GALNT14: variants seen among roughly 807,000 people sequenced by gnomAD.
GALNT14 encodes UDP-GalNAc:polypeptide N-acetylgalactosaminyltransferase 14.
A neutral mutation model predicts 77.5 loss-of-function variants in GALNT14; 60 were observed. The ratio of observed to expected loss-of-function variants is 0.77; its 90% CI spans 0.63 to 0.96. The LOEUF (loss-of-function observed/expected upper bound fraction) is 0.96. Among genes scored for constraint, GALNT14 ranks in the 40% least tolerant of loss-of-function variants. GALNT14 has a pLI of 0.00. For missense variants in GALNT14, 710 were observed against 731.0 expected, an observed-to-expected ratio of 0.97 and a Z score of 0.33; for synonymous variants, 280 against 281.7, an observed-to-expected ratio of 0.99 and a Z score of 0.06.
chr2:30,930,877 C>G (rs990751103), intron 10 of GALNT14, among the ~76,000 whole-genome samples: 3 of 152,230 alleles, frequency 2.0e-5, no homozygotes, highest in African/African-American at 4.8e-5. Flanking sequence ...CTTCTAGAAA[C>G]GGAATGACCT....
chr2:31,073,509 A>G (rs936939838), intron 1 of GALNT14, among the ~76,000 whole-genome samples: 1 of 152,104 alleles, frequency 6.6e-6, no homozygotes, highest in Non-Finnish European at 1.5e-5. Flanking sequence ...GCATTTGGGG[A>G]ACGATGCAAG....
At chr2:31,078,348 G>T (rs1488905225) in intron 1 of GALNT14, among the ~76,000 whole-genome samples, 2 of 152,208 alleles carry the variant, frequency 1.3e-5, no homozygotes, top group African/African-American at 4.8e-5. Context: ...AACATTAGAC[G>T]ATCATAAGTT....
At chr2:31,120,808 C>A (rs1234546963) in intron 1 of GALNT14, among the ~76,000 whole-genome samples, 1 of 152,162 alleles carries the variant, frequency 6.6e-6, no homozygotes, top group Admixed American at 6.5e-5. Flanking sequence ...CCACTGGCCT[C>A]GGCCCCCAAA....
At chr2:30,956,553 T>C (rs1359554326) in intron 4 of GALNT14, among the ~76,000 whole-genome samples, 1 of 152,180 alleles carries the variant, frequency 6.6e-6, no homozygotes, top group Admixed American at 6.5e-5. Context: ...GTCGCCCAGG[T>C]TGGAGTTCAG....
At chr2:30,887,876 T>C in the GALNT14 span, among the ~76,000 whole-genome samples, 1 of 152,188 alleles carries the variant, frequency 6.6e-6, no homozygotes, top group Non-Finnish European at 1.5e-5. Flanking sequence ...TTGAGCTAAT[T>C]TGTGTTTATA....
chr2:30,955,004 G>T (rs1667268536), intron 6 of GALNT14, among the ~76,000 whole-genome samples: 1 of 152,208 alleles, frequency 6.6e-6, no homozygotes, highest in African/African-American at 2.4e-5. Flanking sequence ...TAGGGAAGTG[G>T]ATAGACTTCA....
intron 1 of GALNT14, among the ~76,000 whole-genome samples, chr2:31,069,076 G>A (rs765573071): frequency 6.6e-6 from 1 of 152,192 alleles, no homozygotes; most frequent in Non-Finnish European, 1.5e-5. Flanking sequence ...ATTAGATTAT[G>A]TGCTTGTTGT....
At chr2:31,031,666 T>C (rs1672422077) in intron 1 of GALNT14, among the ~76,000 whole-genome samples, 1 of 151,996 alleles carries the variant, frequency 6.6e-6, no homozygotes, top group Non-Finnish European at 1.5e-5. Flanking sequence ...CTGATCTATC[T>C]AAACAAGATC....
chr2:31,039,686 T>C (rs1350762567), intron 1 of GALNT14, among the ~76,000 whole-genome samples: 2 of 54,038 alleles, frequency 3.7e-5, no homozygotes, highest in African/African-American at 1.3e-4. Context: ...GAAGATCTCT[T>C]TTTTTTTCTT....
chr2:31,094,355 T>G (rs1007212519), intron 1 of GALNT14, among the ~76,000 whole-genome samples: 3 of 152,220 alleles, frequency 2.0e-5, no homozygotes, highest in African/African-American at 7.2e-5. Context: ...CTTTGCTGAC[T>G]CTCTTTTTGG....
At chr2:31,128,649 T>C (rs1678817600) in intron 1 of GALNT14, among the ~76,000 whole-genome samples, 1 of 151,614 alleles carries the variant, frequency 6.6e-6, no homozygotes, top group South Asian at 2.1e-4. Context: ...AGGAGGGAGG[T>C]AGTAGCAGGG....
At chr2:31,118,258 A>C in intron 1 of GALNT14, among the ~76,000 whole-genome samples, 1 of 152,244 alleles carries the variant, frequency 6.6e-6, no homozygotes, top group East Asian at 1.9e-4. Context: ...ATCTGCTAAA[A>C]AACTTCCCTA....
chr2:30,903,732 A>G, the GALNT14 span, among the ~76,000 whole-genome samples: 1 of 152,366 alleles, frequency 6.6e-6, no homozygotes, highest in Non-Finnish European at 1.5e-5. Flanking sequence ...CACAAAAGCC[A>G]TATGGGAATA....
Position 30,929,411 on chromosome 2 carries a change from C to T in GALNT14, c.1135G>A (p.Glu379Lys). The T allele has an allele frequency of 1.9e-6, 3 of 1,614,060 alleles. No homozygotes were observed. The highest frequency in any genetic ancestry group is 2.5e-6 in the Non-Finnish European group (3 of 1,179,896). Reference sequence around the variant, plus strand: ...GACACTTACTTCCCGAAGGGCCTCTCCAGGGCGAATGGCCGGGCAGCGTAA... The same window carrying T: ...GACACTTACTTCCCGAAGGGCCTCTTCAGGGCGAATGGCCGGGCAGCGTAA... The part of the protein sequence containing the change: ...YYYAARPFAL[E>K]RPFGNVESRL... Residue 379 changes from glutamate to lysine, a missense_variant, in exon 11 of 15, where the codon GAG (glutamate) becomes AAG (lysine). Coordinates refer to ENST00000349752, the MANE Select transcript of GALNT14 (RefSeq NM_024572.4).
intron 9 of GALNT14, among the ~76,000 whole-genome samples, chr2:30,936,020 T>A (rs1666036090): frequency 6.6e-6 from 1 of 152,138 alleles, no homozygotes; most frequent in Non-Finnish European, 1.5e-5. Flanking sequence ...CCACATAATC[T>A]CCCTGGTGAT....
intron 1 of GALNT14, among the ~76,000 whole-genome samples, chr2:31,046,398 T>C (rs975757120): frequency 3.3e-5 from 5 of 152,134 alleles, no homozygotes; most frequent in African/African-American, 1.2e-4. Flanking sequence ...AGCTAATTTT[T>C]TTTGTATTTT....
At chr2:30,909,410 G>A (rs1176176143), downstream of GALNT14, among the ~76,000 whole-genome samples, 2 of 152,066 alleles carry the variant, frequency 1.3e-5, no homozygotes, top group African/African-American at 2.4e-5. Context: ...GACATGAACA[G>A]ACACTTCTCA....
intron 10 of GALNT14, 65 bp downstream of exon 10, chr2:30,932,003 C>A: frequency 7.0e-7 from 1 of 1,424,810 alleles, no homozygotes; most frequent in Non-Finnish European, 9.2e-7. Context: ...CAACCCTTAC[C>A]AGCAGCCGCC....
At chr2:31,011,277 A>C (rs1255300661) in intron 1 of GALNT14, among the ~76,000 whole-genome samples, 1 of 152,230 alleles carries the variant, frequency 6.6e-6, no homozygotes, top group South Asian at 2.1e-4. Context: ...TGTGCCAGGC[A>C]TACTTTTAGC....
Sources: allele counts gnomAD v4.1 joint callset (sites outside exome capture counted in the v4.1 genomes callset), GRCh38; gene constraint gnomAD v4.1.1; transcripts MANE v1.5; gene names NCBI Gene and HGNC (gene_info 2026-07-23, HGNC 2026-07-21).